Variants in NPSR1 observed in about 807,000 individuals in gnomAD.
NPSR1 encodes the protein neuropeptide S receptor.
In NPSR1, 48 loss-of-function variants were observed where a neutral mutation model predicts 46.9. The observed-to-expected ratio is 1.02, with a 90% CI of 0.81 to 1.30. The LOEUF is 1.30. NPSR1 is among the 50% of genes most tolerant of loss of function. NPSR1 has a pLI of 0.00. For missense variants in NPSR1, 450 were observed against 449.5 expected (o/e 1.00, Z -0.01); for synonymous variants, 176 against 168.1 (o/e 1.05, Z -0.36).
At chr7:34,766,641 C>T (rs1786446212) in intron 2 of NPSR1, among the ~76,000 whole-genome samples, 1 of 151,852 alleles carries the variant, frequency 6.6e-6, no homozygotes, top group African/African-American at 2.4e-5. Flanking sequence ...GGCGCAACCT[C>T]AGCTCACTGC....
At chr7:34,774,468 G>C (rs937391463) in intron 2 of NPSR1, among the ~76,000 whole-genome samples, 5 of 152,190 alleles carry the variant, frequency 3.3e-5, no homozygotes, top group Non-Finnish European at 7.3e-5. Context: ...GTATGACTTA[G>C]TGCATTGGCA....
intron 2 of NPSR1, among the ~76,000 whole-genome samples, chr7:34,703,030 A>G (rs1793913818): frequency 6.6e-6 from 1 of 152,200 alleles, no homozygotes; most frequent in Non-Finnish European, 1.5e-5. Context: ...TTCCTCCCTT[A>G]GTGATACTTA....
downstream of NPSR1, among the ~76,000 whole-genome samples, chr7:34,850,825 G>A (rs187767096): frequency 6.6e-6 from 1 of 152,228 alleles, no homozygotes; most frequent in East Asian, 1.9e-4. Context: ...CTTTAGTTAG[G>A]AGCTAGGTTC....
chr7:34,760,593 T>G (rs945931620), intron 2 of NPSR1, among the ~76,000 whole-genome samples: 1 of 152,150 alleles, frequency 6.6e-6, no homozygotes, highest in Non-Finnish European at 1.5e-5. Context: ...AGAAAGGGCA[T>G]GGAAAATATC....
chr7:34,750,721 G>T, intron 2 of NPSR1: 1 of 697,866 alleles, frequency 1.4e-6, no homozygotes, highest in Non-Finnish European at 2.7e-6. Flanking sequence ...AGTCAAAATT[G>T]CCAAGCATCT....
chr7:34,836,373 G>C (rs1259861955), intron 6 of NPSR1, among the ~76,000 whole-genome samples: 1 of 152,114 alleles, frequency 6.6e-6, no homozygotes, highest in African/African-American at 2.4e-5. Flanking sequence ...GAATTATATG[G>C]ACAGGGAAAT....
At chr7:34,725,611 T>G (rs1422853783) in intron 2 of NPSR1, among the ~76,000 whole-genome samples, 2 of 152,210 alleles carry the variant, frequency 1.3e-5, no homozygotes, top group African/African-American at 4.8e-5. Context: ...GTCCCCAGAA[T>G]GTGGGCAAAA....
At chr7:34,789,056 T>A (rs1787598697) in intron 3 of NPSR1, among the ~76,000 whole-genome samples, 1 of 151,640 alleles carries the variant, frequency 6.6e-6, no homozygotes, top group Admixed American at 6.6e-5. Flanking sequence ...AATCAATAGG[T>A]CAAAGAAGAA....
chr7:34,751,707 T>G, intron 2 of NPSR1: 1 of 1,585,928 alleles, frequency 6.3e-7, no homozygotes, highest in Non-Finnish European at 8.7e-7. Context: ...TGGGGAGCAT[T>G]GTGGGAGACT....
chr7:34,675,918 T>C (rs1792291589), intron 1 of NPSR1, among the ~76,000 whole-genome samples: 1 of 152,224 alleles, frequency 6.6e-6, no homozygotes, highest in African/African-American at 2.4e-5. Flanking sequence ...TATTGGACCA[T>C]CTGGCTGGAA....
At chr7:34,874,279 A>G (rs1791528125) in intron 8 of NPSR1, among the ~76,000 whole-genome samples, 1 of 152,220 alleles carries the variant, frequency 6.6e-6, no homozygotes, top group African/African-American at 2.4e-5. Context: ...TGTAGAAACA[A>G]TAATATTGCC....
intron 3 of NPSR1, 64 bp downstream of exon 3, chr7:34,778,629 TAAGG>T: frequency 1.9e-6 from 2 of 1,055,534 alleles, no homozygotes; most frequent in Non-Finnish European, 2.9e-6. Flanking sequence ...TAGATTTATC[TAAGG>T]AAAATCATAT....
chr7:34,790,839 A>ATATATGTTATATGTTATGT lies in NPSR1; in HGVS notation c.384+12279_384+12280insGTTATATGTTATGTTATAT, dbSNP rs1787744814. Among the ~76,000 whole-genome samples, 10 of 125,920 alleles carry ATATATGTTATATGTTATGT rather than the reference A, an allele frequency of 7.9e-5. 1 individual carries two copies. In the Admixed American group the frequency reaches 8.6e-4, roughly 11 times the overall value. The allele number at this position is 125,920 out of a possible 152,430, so 82.6% of individuals were successfully genotyped here. On this transcript the variant is annotated intron_variant, in intron 3 of 8. Transcript: ENST00000360581. ...TATGTTATAGGTTATATGTTATGTT[A>ATATATGTTATATGTTATGT]TATATATGTTATATGTTATGTTATA...
At chr7:34,681,172 G>A (rs1255539619) in intron 1 of NPSR1, among the ~76,000 whole-genome samples, 1 of 152,048 alleles carries the variant, frequency 6.6e-6, no homozygotes, top group Non-Finnish European at 1.5e-5. Context: ...TCCATCCCCA[G>A]ACCAAGTCCC....
chr7:34,702,628 TC>T (rs1416572408), intron 2 of NPSR1, among the ~76,000 whole-genome samples: 2 of 152,244 alleles, frequency 1.3e-5, no homozygotes, highest in African/African-American at 4.8e-5. Context: ...GCTGCAGTGA[TC>T]CATTGGATGA....
At chr7:34,795,368 G>A (rs1456912252) in intron 3 of NPSR1, among the ~76,000 whole-genome samples, 1 of 152,040 alleles carries the variant, frequency 6.6e-6, no homozygotes, top group African/African-American at 2.4e-5. Context: ...AGAAAACAAG[G>A]ATTTCCCTCT....
intron 5 of NPSR1, 75 bp from the exon 6 acceptor site, chr7:34,834,309 G>A (rs1790265730): frequency 9.5e-7 from 1 of 1,050,346 alleles, no homozygotes; most frequent in South Asian, 1.3e-5. Context: ...TCGGGGAGGT[G>A]GGAGTGGTCT....
At chr7:34,659,870 A>T (rs1791369281) in intron 1 of NPSR1, among the ~76,000 whole-genome samples, 1 of 152,130 alleles carries the variant, frequency 6.6e-6, no homozygotes, top group South Asian at 2.1e-4. Context: ...ACAGGACTCC[A>T]CTCAGTATTG....
intron 3 of NPSR1, among the ~76,000 whole-genome samples, chr7:34,807,530 T>G (rs1788763186): frequency 6.6e-6 from 1 of 152,182 alleles, no homozygotes. Flanking sequence ...TTGAATTTAA[T>G]TTGTCTAATA....
Sources: allele counts gnomAD v4.1 joint callset (sites outside exome capture counted in the v4.1 genomes callset), GRCh38; gene constraint gnomAD v4.1.1; transcripts MANE v1.5; gene names NCBI Gene and HGNC (gene_info 2026-07-23, HGNC 2026-07-21).